The following PHACTR2 variants were observed in gnomAD, a reference collection of about 807,000 sequenced individuals.
PHACTR2 encodes phosphatase and actin regulator 2.
A neutral mutation model predicts 76.0 loss-of-function variants in PHACTR2; 30 were observed. The ratio of observed to expected loss-of-function variants is 0.39; its 90% confidence interval spans 0.30 to 0.54. The LOEUF is 0.54. Ranked by LOEUF, PHACTR2 falls within the 20% of genes least tolerant of loss-of-function variation. The pLI, the probability that PHACTR2 is intolerant of heterozygous loss-of-function variation, is 0.61. For synonymous variants in PHACTR2, 292 were observed against 292.5 expected, an observed-to-expected ratio of 1.00 and a Z score of 0.02; for missense variants, 696 against 781.1, an observed-to-expected ratio of 0.89 and a Z score of 1.30.
chr6:143,606,470 A>T (rs1775874307), upstream of PHACTR2, among the ~76,000 whole-genome samples: 2 of 152,222 alleles, frequency 1.3e-5, no homozygotes, highest in African/African-American at 4.8e-5. Flanking sequence ...AGTATTAATA[A>T]AAATGACTGA....
chr6:143,823,649 T>A lies in PHACTR2; in HGVS notation c.1923-25T>A. 1 of 1,606,696 alleles carries A rather than the reference T, an allele frequency of 6.2e-7. No homozygotes were observed. The highest frequency in any genetic ancestry group is 8.5e-7 in the Non-Finnish European group (1 of 1,173,444). ...CAGAATGTGCTCCTAGGCCACAGGC[T>A]TATAGTTTCTATTTCTTACTCCAGG... On this transcript the variant is annotated intron_variant, in intron 12 of 12. Coordinates refer to ENST00000440869, the MANE Select transcript of PHACTR2 (RefSeq NM_001100164.2). The surrounding 1 kb of genome is among the most constrained non-coding windows in gnomAD (Gnocchi z 5.7).
chr6:143,693,110 A>G (rs1369204324), intron 1 of PHACTR2, among the ~76,000 whole-genome samples: 2 of 151,880 alleles, frequency 1.3e-5, no homozygotes, highest in Non-Finnish European at 2.9e-5. Flanking sequence ...ATTTTACCTT[A>G]ATTTTACTTT....
At position 143,662,452 on chromosome 6, in the gene PHACTR2, A is replaced by G. The variant is rs1271899564; in HGVS notation, c.14-49564A>G. Among the ~76,000 whole-genome samples the G allele has an allele frequency of 1.3e-5, 2 of 152,192 alleles. No individual in the cohort carries two copies. The highest frequency in any genetic ancestry group is 2.9e-5 in the Non-Finnish European group (2 of 68,024). On this transcript the variant is annotated intron_variant, in intron 1 of 11. Coordinates refer to the PHACTR2 transcript ENST00000305766. The surrounding 1 kb of genome is among the most constrained non-coding windows in gnomAD (Gnocchi z 4.7). ...GGAGTTTTAAAGATATCATTGTACT[A>G]CAAATAAAAAATATTACAGATATCT... is the stretch of plus-strand genomic sequence containing the variant.
chr6:143,620,529 C>T (rs1326394410), intron 1 of PHACTR2, among the ~76,000 whole-genome samples: 1 of 151,808 alleles, frequency 6.6e-6, no homozygotes, highest in Non-Finnish European at 1.5e-5. Context: ...TCACAGTTCT[C>T]CGGTGAATTA....
rs1196511481 is a variant in PHACTR2, at chr6:143,730,074, T to C, written c.214+17891T>C. On this transcript the variant is annotated intron_variant, in intron 2 of 12. Coordinates refer to ENST00000440869, the MANE Select transcript of PHACTR2 (RefSeq NM_001100164.2). This position sits in a 1 kb window ranked among gnomAD's most constrained non-coding sequence, Gnocchi z 4.8. ...CACTATCTTGATTATTATAGCTTTA[T>C]AAGTCTGAAAATTAGGTAGTGTGAT... Among the ~76,000 whole-genome samples the C allele has an allele frequency of 2.6e-5, 4 of 152,348 alleles. No individual in the cohort carries two copies. The East Asian group carries it at 7.7e-4, about 29-fold the overall frequency.
At chr6:143,675,461 G>T (rs189301206), upstream of PHACTR2, among the ~76,000 whole-genome samples, 14 of 152,320 alleles carry the variant, frequency 9.2e-5, no homozygotes, top group East Asian at 2.1e-3. The surrounding 1 kb of genome is among the most constrained non-coding windows in gnomAD (Gnocchi z 4.9). Flanking sequence ...AGTTTTGCTA[G>T]CTGGTTGAAG....
rs1285246403 is a variant in PHACTR2 at position 143,811,273 on chromosome 6, T to C, written c.1922+4140T>C. ...AATTTCTGGATTGCTTATTATGTTCTAATGAGCTGTTTGTCTATCCATGTC... is the reference window on the plus strand; with the variant it reads ...AATTTCTGGATTGCTTATTATGTTCCAATGAGCTGTTTGTCTATCCATGTC... On this transcript the variant is annotated intron_variant, in intron 12 of 12. Transcript: ENST00000440869. This position sits in a 1 kb window ranked among gnomAD's most constrained non-coding sequence, Gnocchi z 4.1. Among the ~76,000 whole-genome samples, 3 of 152,218 alleles carry C rather than the reference T, an allele frequency of 2.0e-5. No individual in the cohort carries two copies. The East Asian group carries it at 5.8e-4, about 29-fold the overall frequency.
At chr6:143,728,973 A>G (rs750474180) in intron 2 of PHACTR2, among the ~76,000 whole-genome samples, 5 of 152,226 alleles carry the variant, frequency 3.3e-5, no homozygotes, top group East Asian at 3.8e-4. Context: ...AACAAAACAA[A>G]AAAGCACAAA....
chr6:143,781,013 T>C (rs1269395883), intron 9 of PHACTR2, among the ~76,000 whole-genome samples: 1 of 152,238 alleles, frequency 6.6e-6, no homozygotes, highest in Non-Finnish European at 1.5e-5. Context: ...TCATGGTAGC[T>C]CATGCTGGTA....
At chr6:143,704,789 T>G (rs1778007718) in intron 1 of PHACTR2, among the ~76,000 whole-genome samples, 1 of 152,182 alleles carries the variant, frequency 6.6e-6, no homozygotes, top group African/African-American at 2.4e-5. Context: ...GTCTGACAGT[T>G]TCTCAGACCT....
intron 1 of PHACTR2, among the ~76,000 whole-genome samples, chr6:143,552,519 T>A (rs2128427571): frequency 6.6e-6 from 1 of 152,338 alleles, no homozygotes. Context: ...TACCTTTCAA[T>A]AATCTTTCAT....
At position 143,828,165 on chromosome 6, in the gene PHACTR2, G is replaced by C. The variant is rs1776585228; in HGVS notation, c.*4476G>C. The C allele has an allele frequency of 6.6e-6, 1 of 151,794 alleles. No individual in the cohort carries two copies. Among genetic ancestry groups the C allele is most frequent in the Admixed American group, 6.6e-5 (1 of 15,206 alleles). The allele number at this position is 151,794 out of a possible 1,614,324, so 9.4% of individuals were successfully genotyped here. A position where few individuals can be genotyped will look rare whatever the true frequency, so the allele number is the denominator to read the frequency against. On this transcript the variant is annotated 3_prime_UTR_variant, in exon 13 of 13. Transcript: ENST00000440869. This position sits in a 1 kb window ranked among gnomAD's most constrained non-coding sequence, Gnocchi z 4.7. ...ACTCCATCTCAAAATAATAATAATA[G>C]TAATAATGAATAAAATAAAATAAAA...
rs757946204 is a variant in PHACTR2, at chr6:143,760,580, G to A, written c.634G>A (p.Gly212Ser). The A allele has an allele frequency of 1.9e-6, 3 of 1,613,912 alleles. No individual in the cohort carries two copies. The South Asian group carries it at 3.3e-5, about 18-fold the overall frequency. The part of the protein sequence containing the change: ...PPIKKNTKAP[G>S]KQAPVPPPKP... ...CATTAAAAAAAATACCAAGGCTCCT[G>A]GTAAGCAGGCCCCCGTCCCTCCACC... Residue 212 changes from glycine (G) to serine (S), a missense_variant, in exon 5 of 13, where the codon GGT becomes AGT. Transcript: ENST00000440869. The surrounding 1 kb of genome is among the most constrained non-coding windows in gnomAD (Gnocchi z 6.4).
Position 143,541,852 on chromosome 6 carries a change from A to G in PHACTR2, c.217+4645A>G, listed in dbSNP as rs544120437. Among the ~76,000 whole-genome samples the G allele has an allele frequency of 1.4e-4, 21 of 152,202 alleles. No individual in the cohort carries two copies. In the South Asian group the frequency reaches 3.5e-3, roughly 26 times the overall value. On this transcript the variant is annotated intron_variant, in intron 1 of 11. Transcript: ENST00000367584. This position sits in a 1 kb window ranked among gnomAD's most constrained non-coding sequence, Gnocchi z 5.3. ...CTTATCCCTTGCTGGTGCTTCTACTATGTTTCTTACTGACCTCCAAGGTTG... is the reference window on the plus strand; with the variant it reads ...CTTATCCCTTGCTGGTGCTTCTACTGTGTTTCTTACTGACCTCCAAGGTTG...
In PHACTR2 at chr6:143,678,218, G is replaced by A; in HGVS notation, c.46+9G>A. ...CCCGCAGCCCGGCAGCGGTGAGTCC[G>A]GGGCGCACGCGATGCGCTCCCGCCG... is the stretch of plus-strand genomic sequence containing the variant. On this transcript the variant is annotated intron_variant, in intron 1 of 12. Coordinates refer to ENST00000440869, the MANE Select transcript of PHACTR2 (RefSeq NM_001100164.2). This position sits in a 1 kb window ranked among gnomAD's most constrained non-coding sequence, Gnocchi z 6.2. The A allele has an allele frequency of 6.7e-7, 1 of 1,499,720 alleles. No individual in the cohort carries two copies. Among genetic ancestry groups the A allele is most frequent in the South Asian group, 1.3e-5 (1 of 79,390 alleles). 92.9% of individuals were successfully genotyped at this position (1,499,720 alleles called of 1,614,324 possible). A position where few individuals can be genotyped will look rare whatever the true frequency, so the allele number is the denominator to read the frequency against.
chr6:143,542,187 T>G (rs1367062781), intron 1 of PHACTR2, among the ~76,000 whole-genome samples: 1 of 152,114 alleles, frequency 6.6e-6, no homozygotes, highest in African/African-American at 2.4e-5. Flanking sequence ...TTTGCCCAGG[T>G]CAAGCTGTGT....
chr6:143,559,712 T>C (rs1255343557), intron 1 of PHACTR2, among the ~76,000 whole-genome samples: 4 of 129,472 alleles, frequency 3.1e-5, no homozygotes, highest in African/African-American at 1.2e-4. Flanking sequence ...TTTTTTTTTT[T>C]TTTTTTTTTT....
intron 2 of PHACTR2, among the ~76,000 whole-genome samples, chr6:143,718,751 T>G (rs968295381): frequency 6.6e-6 from 1 of 152,148 alleles, no homozygotes; most frequent in Non-Finnish European, 1.5e-5. Context: ...ATCTAGAAAG[T>G]AGGGCGAAGT....
chr6:143,735,910 T>C (rs1375194309), intron 2 of PHACTR2, among the ~76,000 whole-genome samples: 1 of 152,236 alleles, frequency 6.6e-6, no homozygotes, highest in African/African-American at 2.4e-5. Context: ...GTATTTCTGT[T>C]ACTCATTTGA....
Sources: gnomAD v4.1 joint callset for allele counts (sites outside exome capture counted in the v4.1 genomes callset) on GRCh38, gnomAD v4.1.1 for gene constraint, Gnocchi (gnomAD v3.1) non-coding constraint, MANE v1.5 for transcripts, NCBI Gene and HGNC (gene_info 2026-07-23, HGNC 2026-07-21) for gene names.